The following DOCK10 variants were observed in gnomAD, a reference collection of about 807,000 sequenced individuals.
DOCK10 encodes the protein dedicator of cytokinesis 10, also known as dedicator of cytokinesis protein 10.
In DOCK10, 145 loss-of-function variants were observed where a neutral mutation model predicts 280.1. That is an observed-to-expected ratio of 0.52 (90% CI 0.45 to 0.59). DOCK10 has a LOEUF of 0.59. Among genes scored for constraint, DOCK10 ranks in the 20% least tolerant of loss-of-function variants. DOCK10 has a pLI of 0.00. For missense variants in DOCK10, 2,368 were observed against 2,651.7 expected (o/e 0.89, Z 2.35); for synonymous variants, 915 against 942.2 (o/e 0.97, Z 0.53).
Position 225,030,264 on chromosome 2 carries a change from G to A in DOCK10, c.123+11988C>T, listed in dbSNP as rs533902105. On this transcript the variant is annotated intron_variant, in intron 1 of 55. Transcript: ENST00000258390. ...AGAGTCATTACAATGCTCTAAAGCC[G>A]TGTCATGAAAACTCTCTAACATCCT... is the stretch of plus-strand genomic sequence containing the variant. 4.5e-4 allele frequency among the ~76,000 whole-genome samples: 69 copies of A among 152,040 alleles called. 1 individual carries two copies. In the Middle Eastern group the frequency reaches 0.01, roughly 23 times the overall value.
At chr2:224,816,559 G>T in intron 30 of DOCK10, 58 bp downstream of exon 30, 3 of 1,045,988 alleles carry the variant, frequency 2.9e-6, no homozygotes, top group South Asian at 2.8e-5. Flanking sequence ...AAGGTAAAAC[G>T]AACAAACAAA....
chr2:224,827,249 C>A (rs1194842100), intron 27 of DOCK10, among the ~76,000 whole-genome samples: 1 of 135,370 alleles, frequency 7.4e-6, no homozygotes, highest in African/African-American at 3.0e-5. Context: ...GGCGACAGAG[C>A]GAAACTCCGT....
intron 1 of DOCK10, among the ~76,000 whole-genome samples, chr2:224,932,773 T>C (rs978938430): frequency 1.3e-5 from 2 of 152,206 alleles, no homozygotes; most frequent in African/African-American, 4.8e-5. Context: ...TACACAGAGT[T>C]AGCTTTGACT....
chr2:224,835,652 AC>A (rs1036622141), intron 25 of DOCK10, among the ~76,000 whole-genome samples: 51 of 152,320 alleles, frequency 3.3e-4, no homozygotes, highest in African/African-American at 1.2e-3. Flanking sequence ...ACAGGAGAAA[AC>A]TGAGGTTCAG....
intron 3 of DOCK10, among the ~76,000 whole-genome samples, chr2:224,897,573 A>G (rs937033073): frequency 6.0e-5 from 9 of 149,440 alleles, no homozygotes; most frequent in Admixed American, 3.3e-4. Context: ...TCCGGTAACC[A>G]CCCTTCTACT....
chr2:224,987,680 A>G (rs114031057), intron 1 of DOCK10, among the ~76,000 whole-genome samples: 1,551 of 152,264 alleles, frequency 0.01, 19 homozygotes, highest in African/African-American at 0.036. Flanking sequence ...CAAGTGAAGG[A>G]GAGGATTCAA....
intron 38 of DOCK10, among the ~76,000 whole-genome samples, 169 bp downstream of exon 38, chr2:224,804,625 G>A (rs549078985): frequency 9.2e-5 from 14 of 152,046 alleles, no homozygotes; most frequent in Admixed American, 5.9e-4. Context: ...TCTACAATGC[G>A]TATGAGGCAA....
intron 3 of DOCK10, among the ~76,000 whole-genome samples, chr2:224,915,219 GTC>G (rs71410340): frequency 0.56 from 85,206 of 151,804 alleles, 24,836 homozygotes; most frequent in Non-Finnish European, 0.64. Context: ...AAGTCTGATT[GTC>G]TGGTATAAAA....
intron 23 of DOCK10, among the ~76,000 whole-genome samples, chr2:224,840,982 A>G (rs74769720): frequency 0.01 from 1,572 of 152,320 alleles, 23 homozygotes; most frequent in African/African-American, 0.035. Context: ...CCCGGAGTAT[A>G]TTATGCTAAG....
intron 4 of DOCK10, among the ~76,000 whole-genome samples, chr2:224,888,816 G>A (rs1699485852): frequency 7.2e-6 from 1 of 138,940 alleles, no homozygotes; most frequent in African/African-American, 3.2e-5. Flanking sequence ...ATATATGTGT[G>A]TATGTATGTG....
chr2:224,976,522 A>G (rs1705449769), intron 1 of DOCK10, among the ~76,000 whole-genome samples: 1 of 152,116 alleles, frequency 6.6e-6, no homozygotes, highest in Non-Finnish European at 1.5e-5. Context: ...TTTTATTAAT[A>G]TTAAGTGACA....
chr2:224,800,486 A>C (rs1331368801), intron 40 of DOCK10, among the ~76,000 whole-genome samples: 1 of 152,076 alleles, frequency 6.6e-6, no homozygotes. Flanking sequence ...CGGGGTTTCC[A>C]TTGTTTCTGA....
chr2:225,040,187 G>A (rs1490494573), intron 1 of DOCK10, among the ~76,000 whole-genome samples: 1 of 152,156 alleles, frequency 6.6e-6, no homozygotes, highest in African/African-American at 2.4e-5. Flanking sequence ...GAATCCCACC[G>A]AGTTCAGGTG....
chr2:224,914,289 A>C (rs1461690286), intron 3 of DOCK10, among the ~76,000 whole-genome samples: 1 of 152,196 alleles, frequency 6.6e-6, no homozygotes, highest in Non-Finnish European at 1.5e-5. Context: ...ACACAGAAAA[A>C]GATGTAGAGT....
rs1040735843 is a variant in DOCK10, at chr2:224,864,675, C to G, written c.1480G>C (p.Ala494Pro). ...TGTGGATTGCTTACAGAAAATACAG[C>G]CTGTGTACAAAGAAAGCAGCTAATA... Reference protein sequence around the residue: ...PEEWLKFPKQAVFSVSNPHSE... With the variant: ...PEEWLKFPKQPVFSVSNPHSE... The change falls in exon 13 of 56, where the codon GCT (alanine) becomes CCT (proline). Residue 494 changes from alanine to proline, a missense_variant and splice_region_variant. Physicochemically the swap from Ala to Pro is conservative, Grantham distance 27. Around this residue, in one of 2 missense-constraint regions of DOCK10, gnomAD observed 1,209 missense variants for 1,250.9 expected, o/e 0.97. Coordinates refer to ENST00000258390, the MANE Select transcript of DOCK10 (RefSeq NM_014689.3). 10 of 1,605,938 alleles carry G rather than the reference C, an allele frequency of 6.2e-6. No individual in the cohort carries two copies. The highest frequency in any genetic ancestry group is 7.6e-6 in the Non-Finnish European group (9 of 1,177,788).
At chr2:224,955,812 G>A (rs535099638) in intron 1 of DOCK10, among the ~76,000 whole-genome samples, 1 of 152,204 alleles carries the variant, frequency 6.6e-6, no homozygotes, top group African/African-American at 2.4e-5. Flanking sequence ...TAACCTCTGG[G>A]TATGTGTTCT....
chr2:224,910,144 T>G (rs917596067), intron 3 of DOCK10, among the ~76,000 whole-genome samples: 3 of 152,220 alleles, frequency 2.0e-5, no homozygotes, highest in African/African-American at 7.2e-5. Flanking sequence ...CAGGGCAATG[T>G]AGCACAGGGT....
At chr2:224,961,355 T>C (rs1704373550) in intron 1 of DOCK10, among the ~76,000 whole-genome samples, 2 of 152,220 alleles carry the variant, frequency 1.3e-5, no homozygotes, top group South Asian at 4.1e-4. Flanking sequence ...CTCCAGTCTG[T>C]AGTATGTGAT....
chr2:224,783,335 C>G (rs1159486298), intron 50 of DOCK10, among the ~76,000 whole-genome samples: 1 of 150,552 alleles, frequency 6.6e-6, no homozygotes, highest in Non-Finnish European at 1.5e-5. Context: ...AGTGCAGTGG[C>G]ACGATCTTGG....
Sources: gnomAD v4.1 joint callset for allele counts (sites outside exome capture counted in the v4.1 genomes callset) on GRCh38, gnomAD v4.1.1 for gene constraint, gnomAD v4.1.1 regional missense constraint, MANE v1.5 for transcripts, NCBI Gene and HGNC (gene_info 2026-07-23, HGNC 2026-07-21) for gene names.